The following TBC1D9B variants were observed in gnomAD, a reference collection of about 807,000 sequenced individuals.
The protein encoded by TBC1D9B is TBC1 domain family, member 9B (with GRAM domain).
A neutral mutation model predicts 121.1 loss-of-function variants in TBC1D9B; 87 were observed. That is an observed-to-expected ratio of 0.72 (90% CI 0.60 to 0.86). The LOEUF (loss-of-function observed/expected upper bound fraction) is 0.86. TBC1D9B is among the 40% of genes least tolerant of loss of function. The pLI is 0.00. For synonymous variants in TBC1D9B, 668 were observed against 670.1 expected, an observed-to-expected ratio of 1.00 and a Z score of 0.05; for missense variants, 1,540 against 1,628.6, an observed-to-expected ratio of 0.95 and a Z score of 0.94.
chr5:179,866,016 G>A, intron 18 of TBC1D9B, 128 bp from the exon 19 acceptor site: 1 of 1,150,848 alleles, frequency 8.7e-7, no homozygotes, highest in Non-Finnish European at 1.3e-6. Context: ...TGGGGAGCAG[G>A]TCTCCCATGC....
chr5:179,904,198 T>A lies in TBC1D9B; in HGVS notation c.229+504A>T, dbSNP rs1050547184. ...CATGGGGCTGTCCTCTCCTGCCCTG[T>A]CCCCATGACCAGTGGAGCTGCCTTT... On this transcript the variant is annotated intron_variant, in intron 2 of 20. Transcript: ENST00000355235. This position sits in a 1 kb window ranked among gnomAD's most constrained non-coding sequence, Gnocchi z 4.2. Among the ~76,000 whole-genome samples the A allele has an allele frequency of 1.3e-5, 2 of 148,488 alleles. No homozygotes were observed. The highest frequency in any genetic ancestry group is 5.0e-5 in the African/African-American group (2 of 40,334).
rs75428178 is a variant in TBC1D9B at position 179,893,411 on chromosome 5, G to A, written c.634C>T (p.Leu212Phe). Reference protein sequence around the residue: ...ITRLEKNATLLFPESIRVDTR... With the variant: ...ITRLEKNATLFFPESIRVDTR... ...TCCACACGGATGCTCTCGGGGAAGA[G>A]CAGGGTGGCGTTCTTCTCCAGACGC... is the stretch of plus-strand genomic sequence containing the variant. The change falls in exon 5 of 21, where the codon CTC becomes TTC. Residue 212 changes from leucine to phenylalanine, a missense_variant. Leu to Phe is a conservative substitution (Grantham distance 22, BLOSUM62 0). Transcript: ENST00000355235. 215 of 1,614,010 alleles carry A rather than the reference G, an allele frequency of 1.3e-4. 1 individual carries two copies. In the East Asian group the frequency reaches 4.8e-3, roughly 36 times the overall value.
intron 15 of TBC1D9B, 147 bp downstream of exon 15, chr5:179,871,315 T>C (rs1760190251): frequency 1.3e-6 from 1 of 767,804 alleles, no homozygotes; most frequent in South Asian, 1.8e-5. Context: ...GGCAACTGCA[T>C]CTGAGGATGC....
At chr5:179,867,338 G>T in intron 18 of TBC1D9B, 2 of 1,250,792 alleles carry the variant, frequency 1.6e-6, no homozygotes, top group Non-Finnish European at 2.2e-6. Context: ...TGCCCCAGAG[G>T]ATGAAGTCCC....
chr5:179,894,201 A>G, intron 4 of TBC1D9B, among the ~76,000 whole-genome samples, 185 bp downstream of exon 4: 1 of 152,170 alleles, frequency 6.6e-6, no homozygotes, highest in Non-Finnish European at 1.5e-5. Context: ...GGGGCATGGT[A>G]AAAGTCGGCT....
In TBC1D9B at chr5:179,863,915, C is replaced by T. The variant is rs1419598787; in HGVS notation, c.3235G>A (p.Ala1079Thr). The T allele has an allele frequency of 6.2e-7, 1 of 1,613,686 alleles. No individual in the cohort carries two copies. Among genetic ancestry groups the T allele is most frequent in the Non-Finnish European group, 8.5e-7 (1 of 1,179,984 alleles). Residue 1079 changes from alanine to threonine, a missense_variant, in exon 21 of 21, where the codon GCC (alanine) becomes ACC (threonine). Ala to Thr is a moderately conservative substitution (Grantham distance 58, BLOSUM62 0). Coordinates refer to ENST00000355235, the MANE Select transcript of TBC1D9B (RefSeq NM_015043.4). The surrounding 1 kb of genome is among the most constrained non-coding windows in gnomAD (Gnocchi z 4.5). ...GCAGCTGGGGGCTGAAGCTCCCTGGCTGCGTCCTGATGCAGTTCGGGTGCT... is the reference window on the plus strand; with the variant it reads ...GCAGCTGGGGGCTGAAGCTCCCTGGTTGCGTCCTGATGCAGTTCGGGTGCT... Reference protein sequence around the residue: ...PPAPELHQDAARELQPPAAGD... With the variant: ...PPAPELHQDATRELQPPAAGD...
At position 179,893,265 on chromosome 5, in the gene TBC1D9B, CT is replaced by C. The variant is rs1249160615; in HGVS notation, c.779del (p.Glu260GlyfsTer18). On this transcript the variant is annotated frameshift_variant, in exon 5 of 21. Coordinates refer to ENST00000355235, the MANE Select transcript of TBC1D9B (RefSeq NM_015043.4). LOFTEE classifies it high-confidence loss of function. Reference sequence around the variant, plus strand: ...GGATGGGCCTAGGCAGGGCCTTGTCCTCCAGGAAGCCCTCGCTGTCCAGCAG... The same window carrying C: ...GGATGGGCCTAGGCAGGGCCTTGTCCCCAGGAAGCCCTCGCTGTCCAGCAG... ...RQLLDSEGFL[E>X]DKALPRPIRP... is the part of the protein sequence containing the mutation. The C allele has an allele frequency of 6.2e-7, 1 of 1,613,728 alleles. No individual in the cohort carries two copies. Among genetic ancestry groups the C allele is most frequent in the Non-Finnish European group, 8.5e-7 (1 of 1,180,036 alleles).
chr5:179,878,694 G>T (rs1255630924), intron 9 of TBC1D9B, among the ~76,000 whole-genome samples, 171 bp from the exon 10 acceptor site: 1 of 152,176 alleles, frequency 6.6e-6, no homozygotes, highest in Admixed American at 6.5e-5. Context: ...TGCTCTACCC[G>T]AAAGTTCAAG....
chr5:179,876,467 C>T (rs1470388860), intron 10 of TBC1D9B, among the ~76,000 whole-genome samples: 1 of 152,156 alleles, frequency 6.6e-6, no homozygotes, highest in African/African-American at 2.4e-5. Context: ...GCCACAAGGC[C>T]AGAGCCCCAC....
At chr5:179,878,263 C>A in intron 10 of TBC1D9B, 46 bp downstream of exon 10, 1 of 1,570,526 alleles carries the variant, frequency 6.4e-7, no homozygotes, top group South Asian at 1.2e-5. Context: ...CTCCTGTGAA[C>A]CTCTGGTGGC....
At chr5:179,878,206 G>A (rs1208623639) in intron 10 of TBC1D9B, 103 bp downstream of exon 10, 2 of 1,223,864 alleles carry the variant, frequency 1.6e-6, no homozygotes, top group Non-Finnish European at 1.1e-6. Context: ...TCCTTCCTTG[G>A]GACACAAGGC....
At position 179,863,293 on chromosome 5, in the gene TBC1D9B, G is replaced by A. The variant is rs1448285844; in HGVS notation, c.*155C>T. On this transcript the variant is annotated 3_prime_UTR_variant, in exon 21 of 21. Coordinates refer to ENST00000355235, the MANE Select transcript of TBC1D9B (RefSeq NM_015043.4). This position sits in a 1 kb window ranked among gnomAD's most constrained non-coding sequence, Gnocchi z 4.5. ...CAGGGAATCTGTCTAAGGCAGCTGG[G>A]TCTGCACCAGCCTTCTTTCCACTCA... 1.3e-5 allele frequency: 11 copies of A among 863,374 alleles called. No individual in the cohort carries two copies. The highest frequency in any genetic ancestry group is 2.7e-5 in the East Asian group (1 of 37,504). The allele number at this position is 863,374 out of a possible 1,614,324, so 53.5% of individuals were successfully genotyped here. A position where few individuals can be genotyped will look rare whatever the true frequency, so the allele number is the denominator to read the frequency against.
At chr5:179,881,837 T>C (rs1191794266) in intron 7 of TBC1D9B, among the ~76,000 whole-genome samples, 4 of 152,198 alleles carry the variant, frequency 2.6e-5, no homozygotes, top group Non-Finnish European at 4.4e-5. Context: ...AGGCCTTTTC[T>C]TCCCACTTTC....
chr5:179,869,262 A>T (rs1760111753), intron 17 of TBC1D9B: 2 of 284,918 alleles, frequency 7.0e-6, no homozygotes, highest in South Asian at 6.6e-5. Context: ...AGCATTGTCC[A>T]TGCAGCCACT....
chr5:179,901,405 T>A (rs1467960138), intron 2 of TBC1D9B, among the ~76,000 whole-genome samples: 1 of 152,256 alleles, frequency 6.6e-6, no homozygotes, highest in Non-Finnish European at 1.5e-5. Context: ...CTGTATTATT[T>A]TCTGTTACAC....
rs755094235 is a variant in TBC1D9B at position 179,893,402 on chromosome 5, C to T, written c.643G>A (p.Glu215Lys). The T allele has an allele frequency of 9.3e-6, 15 of 1,613,954 alleles. No homozygotes were observed. Among genetic ancestry groups the T allele is most frequent in the African/African-American group, 1.3e-5 (1 of 74,930 alleles). ...LEKNATLLFP[E>K]SIRVDTRDQE... ...TCGCGGGTGTCCACACGGATGCTCT[C>T]GGGGAAGAGCAGGGTGGCGTTCTTC... The change falls in exon 5 of 21, where the codon GAG becomes AAG. Residue 215 changes from glutamate (E) to lysine (K), a missense_variant. Glu to Lys is a moderately conservative substitution (Grantham distance 56). Transcript: ENST00000355235.
Position 179,870,238 on chromosome 5 carries a change from G to T in TBC1D9B, c.2725+17C>A. 1 of 1,613,396 alleles carries T rather than the reference G, an allele frequency of 6.2e-7. No individual in the cohort carries two copies. Among genetic ancestry groups the T allele is most frequent in the Non-Finnish European group, 8.5e-7 (1 of 1,179,736 alleles). On this transcript the variant is annotated intron_variant, in intron 16 of 20. Transcript: ENST00000355235. ...TGAGGGAGGGTCAAGCCCCTGGTAG[G>T]CCCTGCAGGCACTCACTCATCCCTG... is the stretch of plus-strand genomic sequence containing the variant.
chr5:179,874,722 C>G lies in TBC1D9B; in HGVS notation c.2186+180G>C, dbSNP rs1000278172. Among the ~76,000 whole-genome samples the G allele has an allele frequency of 2.0e-5, 3 of 152,236 alleles. No individual in the cohort carries two copies. The highest frequency in any genetic ancestry group is 7.2e-5 in the African/African-American group (3 of 41,456). On this transcript the variant is annotated intron_variant, in intron 12 of 20. Transcript: ENST00000355235. The surrounding 1 kb of genome is among the most constrained non-coding windows in gnomAD (Gnocchi z 4.3). ...GCTTTACTCCTCCTGGCACCTATCA[C>G]TGAGCGCTGCTTCATCTCCCACTAG... is the stretch of plus-strand genomic sequence containing the variant.
Position 179,865,404 on chromosome 5 carries a change from G to C in TBC1D9B, c.2915-44C>G. The C allele has an allele frequency of 6.4e-7, 1 of 1,571,736 alleles. No homozygotes were observed. Among genetic ancestry groups the C allele is most frequent in the Non-Finnish European group, 8.8e-7 (1 of 1,141,930 alleles). ...GAGATTAATCTTTGTCATGTGAGAC[G>C]GCTGCGGGCTGACAGCAGGGAGAGG... On this transcript the variant is annotated intron_variant, in intron 19 of 20. Transcript: ENST00000355235. This position sits in a 1 kb window ranked among gnomAD's most constrained non-coding sequence, Gnocchi z 5.1.
Sources: gnomAD v4.1 joint callset for allele counts (sites outside exome capture counted in the v4.1 genomes callset) on GRCh38, gnomAD v4.1.1 for gene constraint, Gnocchi (gnomAD v3.1) non-coding constraint, MANE v1.5 for transcripts, NCBI Gene and HGNC (gene_info 2026-07-23, HGNC 2026-07-21) for gene names.